The following CDH13 variants were observed in gnomAD, a reference collection of about 807,000 sequenced individuals.
The protein encoded by CDH13 is cadherin-13.
A neutral mutation model predicts 63.8 loss-of-function variants in CDH13; 24 were observed. The ratio of observed to expected loss-of-function variants is 0.38; its 90% confidence interval spans 0.27 to 0.53. CDH13 has a LOEUF of 0.53. CDH13 is among the 20% of genes least tolerant of loss of function. The pLI is 0.85. For missense variants in CDH13, 1,049 were observed against 903.1 expected (o/e 1.16, Z -2.07); for synonymous variants, 503 against 355.3 (o/e 1.42, Z -4.67).
chr16:83,750,103 C>G (rs1912956857), intron 11 of CDH13, among the ~76,000 whole-genome samples: 1 of 152,090 alleles, frequency 6.6e-6, no homozygotes, highest in Non-Finnish European at 1.5e-5. Context: ...TGAGACCAGC[C>G]TGGCCAATAT....
At chr16:83,163,560 G>A (rs188457908) in intron 4 of CDH13, among the ~76,000 whole-genome samples, 1 of 152,206 alleles carries the variant, frequency 6.6e-6, no homozygotes, top group East Asian at 1.9e-4. Flanking sequence ...TTCCTCCTGG[G>A]CACACAGAAA....
chr16:83,368,081 T>C (rs1469794948), intron 6 of CDH13, among the ~76,000 whole-genome samples: 2 of 152,240 alleles, frequency 1.3e-5, no homozygotes, highest in Admixed American at 6.5e-5. Context: ...TTATTCATTG[T>C]TATTATATTT....
intron 5 of CDH13, among the ~76,000 whole-genome samples, chr16:83,241,929 T>C (rs1904492634): frequency 6.6e-6 from 1 of 152,208 alleles, no homozygotes; most frequent in Non-Finnish European, 1.5e-5. Flanking sequence ...GTCCTGAAGC[T>C]TTCCCATTAT....
chr16:82,952,867 G>C (rs1905494735), intron 2 of CDH13, among the ~76,000 whole-genome samples: 1 of 152,138 alleles, frequency 6.6e-6, no homozygotes, highest in Non-Finnish European at 1.5e-5. Flanking sequence ...CCTCACTAGT[G>C]CTTCTAATTT....
chr16:83,412,493 A>C (rs1472029376), intron 6 of CDH13, among the ~76,000 whole-genome samples: 6 of 152,290 alleles, frequency 3.9e-5, no homozygotes, highest in African/African-American at 1.4e-4. Flanking sequence ...ATAAATAAAT[A>C]AATGTGTCTA....
intron 1 of CDH13, among the ~76,000 whole-genome samples, chr16:82,697,914 C>G (rs2030534584): frequency 6.6e-6 from 1 of 152,118 alleles, no homozygotes; most frequent in African/African-American, 2.4e-5. Flanking sequence ...CCCAACATGA[C>G]AGTGCTGGTG....
chr16:83,327,235 A>T (rs1379456302), intron 5 of CDH13, among the ~76,000 whole-genome samples: 1 of 152,242 alleles, frequency 6.6e-6, no homozygotes. Context: ...AGTCACTGCC[A>T]CACAATGAAT....
rs2039575916 is a variant in CDH13, at chr16:83,217,575, T to C, written c.636+78T>C. The C allele has an allele frequency of 4.2e-6, 6 of 1,427,420 alleles. No homozygotes were observed. The East Asian group carries it at 1.4e-4, about 33-fold the overall frequency. 88.4% of individuals were successfully genotyped at this position (1,427,420 alleles called of 1,614,324 possible). A position where few individuals can be genotyped will look rare whatever the true frequency, so the allele number is the denominator to read the frequency against. On this transcript the variant is annotated intron_variant, in intron 5 of 13. Coordinates refer to ENST00000567109, the MANE Select transcript of CDH13 (RefSeq NM_001257.5). Reference sequence around the variant, plus strand: ...GATTGTTTTCTTCCCACTGAGCTCATTATTTCTGTGCCTCATCAAACCCGG... The same window carrying C: ...GATTGTTTTCTTCCCACTGAGCTCACTATTTCTGTGCCTCATCAAACCCGG...
intron 6 of CDH13, among the ~76,000 whole-genome samples, chr16:83,429,296 ATC>A (rs767824503): frequency 2.6e-5 from 4 of 152,138 alleles, no homozygotes; most frequent in Non-Finnish European, 5.9e-5. Flanking sequence ...TCTTTGACCA[ATC>A]TCAACCACCT....
At chr16:82,683,136 A>G (rs1035966113) in intron 1 of CDH13, among the ~76,000 whole-genome samples, 2 of 152,238 alleles carry the variant, frequency 1.3e-5, no homozygotes, top group Non-Finnish European at 2.9e-5. Flanking sequence ...AATGCTCTGC[A>G]GGAAAATAAG....
chr16:83,125,847 T>C (rs527452638), intron 4 of CDH13, among the ~76,000 whole-genome samples: 30 of 152,186 alleles, frequency 2.0e-4, no homozygotes, highest in Non-Finnish European at 3.7e-4. Context: ...TATGTTGACA[T>C]GTGGCCTTCA....
chr16:82,816,127 G>T (rs1217899331), intron 1 of CDH13, among the ~76,000 whole-genome samples: 1 of 152,120 alleles, frequency 6.6e-6, no homozygotes, highest in South Asian at 2.1e-4. Flanking sequence ...CCAAAGGACA[G>T]CTCCCCCAGT....
intron 5 of CDH13, among the ~76,000 whole-genome samples, chr16:83,320,135 G>T (rs1017129756): frequency 6.6e-6 from 1 of 152,106 alleles, no homozygotes; most frequent in African/African-American, 2.4e-5. Context: ...GACCTCTCAG[G>T]CTCAAGTGAT....
chr16:83,671,549 C>A (rs1213165433), intron 9 of CDH13, among the ~76,000 whole-genome samples: 1 of 152,116 alleles, frequency 6.6e-6, no homozygotes, highest in Non-Finnish European at 1.5e-5. Flanking sequence ...ATGCCTGGCC[C>A]AAACTTAAGT....
At chr16:83,505,701 G>A (rs1270821438) in intron 7 of CDH13, among the ~76,000 whole-genome samples, 2 of 151,740 alleles carry the variant, frequency 1.3e-5, no homozygotes, top group Admixed American at 6.6e-5. Context: ...GCGCCTCCAC[G>A]CCCGGCTAAT....
chr16:82,902,302 A>G (rs1206968883), intron 2 of CDH13, among the ~76,000 whole-genome samples: 1 of 152,006 alleles, frequency 6.6e-6, no homozygotes, highest in Non-Finnish European at 1.5e-5. Flanking sequence ...CTGGGGAGAA[A>G]GCTTCTCTGG....
Position 83,059,789 on chromosome 16 carries a change from G to GTTT in CDH13, c.366+27572_366+27574dup, listed in dbSNP as rs1256608391. 1.5e-3 allele frequency among the ~76,000 whole-genome samples: 152 copies of GTTT among 98,708 alleles called. 4 individuals are homozygous for GTTT. Among genetic ancestry groups the GTTT allele is most frequent in the Middle Eastern group, 5.6e-3 (1 of 180 alleles). 64.8% of individuals were successfully genotyped at this position (98,708 alleles called of 152,430 possible). Reference sequence around the variant, plus strand: ...GACTTTTGCCTTTGTTTTTTTTTTTGTTTGTTTTTTTTTTTTTTTTTTTTA... The same window carrying GTTT: ...GACTTTTGCCTTTGTTTTTTTTTTTGTTTTTTGTTTTTTTTTTTTTTTTTTTTA... On this transcript the variant is annotated intron_variant, in intron 3 of 13. Coordinates refer to ENST00000567109, the MANE Select transcript of CDH13 (RefSeq NM_001257.5).
At chr16:82,667,710 C>A (rs1253355409) in intron 1 of CDH13, among the ~76,000 whole-genome samples, 1 of 152,052 alleles carries the variant, frequency 6.6e-6, no homozygotes, top group Non-Finnish European at 1.5e-5. Flanking sequence ...TTGGTGCAGT[C>A]TTGAAAGCGC....
chr16:82,768,155 T>C (rs950852892), intron 1 of CDH13, among the ~76,000 whole-genome samples: 5 of 152,182 alleles, frequency 3.3e-5, no homozygotes, highest in Non-Finnish European at 7.3e-5. Flanking sequence ...CTGGTGGGAA[T>C]GCTACACAAT....
Sources: allele counts gnomAD v4.1 joint callset (sites outside exome capture counted in the v4.1 genomes callset), GRCh38; gene constraint gnomAD v4.1.1; transcripts MANE v1.5; gene names NCBI Gene and HGNC (gene_info 2026-07-23, HGNC 2026-07-21).